METTL15: variants seen among roughly 807,000 people sequenced by gnomAD.
METTL15 encodes the protein 12S rRNA N(4)-cytidine methyltransferase METTL15.
In METTL15, 34 loss-of-function variants were observed where a neutral mutation model predicts 38.3. The ratio of observed to expected loss-of-function variants is 0.89; its 90% CI spans 0.68 to 1.18. The LOEUF is 1.18. METTL15 is among the 50% of genes most tolerant of loss of function. The pLI, the probability that METTL15 is intolerant of heterozygous loss-of-function variation, is 0.00. For missense variants in METTL15, 438 were observed against 498.4 expected (o/e 0.88, Z 1.15); for synonymous variants, 162 against 170.9 (o/e 0.95, Z 0.41).
At chr11:28,443,245 T>C (rs1215671835) in intron 6 of METTL15, among the ~76,000 whole-genome samples, 9 of 152,306 alleles carry the variant, frequency 5.9e-5, no homozygotes. Context: ...ATCATTCCCT[T>C]TGTGATTCCA....
chr11:28,356,763 ATTAT>A (rs1268525075), intron 4 of METTL15, among the ~76,000 whole-genome samples: 1 of 152,222 alleles, frequency 6.6e-6, no homozygotes, highest in Non-Finnish European at 1.5e-5. Flanking sequence ...ACAAGCTGAA[ATTAT>A]TTCACAGGTT....
intron 4 of METTL15, among the ~76,000 whole-genome samples, chr11:28,236,959 G>C (rs1006569224): frequency 8.5e-5 from 13 of 152,144 alleles, no homozygotes; most frequent in Non-Finnish European, 1.9e-4. Flanking sequence ...TAGAGTTTCT[G>C]CTGAGAGATC....
chr11:28,273,368 C>G (rs1855720990), intron 4 of METTL15, among the ~76,000 whole-genome samples: 2 of 152,014 alleles, frequency 1.3e-5, no homozygotes, highest in Non-Finnish European at 2.9e-5. Context: ...TCCTAAGGGA[C>G]TTACTGCAAG....
chr11:28,280,889 G>A (rs953374307), intron 4 of METTL15, among the ~76,000 whole-genome samples: 7 of 149,112 alleles, frequency 4.7e-5, no homozygotes, highest in Admixed American at 6.8e-5. Context: ...GCCATTTCTG[G>A]GATAAAGTTA....
chr11:28,490,395 GCT>G (rs1275044970), intron 6 of METTL15, among the ~76,000 whole-genome samples: 3 of 152,040 alleles, frequency 2.0e-5, no homozygotes, highest in Middle Eastern at 3.2e-3. Flanking sequence ...TCTTAATAAT[GCT>G]CTCAGACTGG....
intron 3 of METTL15, among the ~76,000 whole-genome samples, chr11:28,198,815 A>G (rs1278683372): frequency 6.6e-6 from 1 of 152,130 alleles, no homozygotes; most frequent in East Asian, 1.9e-4. Context: ...TCTAACAACT[A>G]TATCAAATGT....
chr11:28,495,781 G>GA (rs112186450), intron 6 of METTL15, among the ~76,000 whole-genome samples: 298 of 133,444 alleles, frequency 2.2e-3, no homozygotes, highest in East Asian at 5.8e-3. Context: ...TTTTTTGATA[G>GA]AAAAAAAAAA....
intron 4 of METTL15, among the ~76,000 whole-genome samples, chr11:28,358,267 GA>G: frequency 6.6e-6 from 1 of 152,112 alleles, no homozygotes; most frequent in East Asian, 1.9e-4. Context: ...CTGACACCTT[GA>G]TTTTACCCCT....
intron 6 of METTL15, among the ~76,000 whole-genome samples, chr11:28,457,616 C>G (rs1465312652): frequency 6.6e-6 from 1 of 152,114 alleles, no homozygotes; most frequent in East Asian, 1.9e-4. Flanking sequence ...CTCTGATTCC[C>G]CCACGTCTAG....
At chr11:28,383,718 G>A (rs1850411930) in intron 5 of METTL15, among the ~76,000 whole-genome samples, 1 of 152,050 alleles carries the variant, frequency 6.6e-6, no homozygotes, top group Non-Finnish European at 1.5e-5. Context: ...GTTTAGTGAT[G>A]TTGAGCATTT....
At chr11:28,130,250 G>T (rs1003244788) in intron 3 of METTL15, among the ~76,000 whole-genome samples, 5 of 152,124 alleles carry the variant, frequency 3.3e-5, no homozygotes, top group African/African-American at 1.2e-4. Flanking sequence ...GGTCAAGGCT[G>T]CAGTAAGCCG....
chr11:28,313,869 T>A (rs569549547), intron 6 of METTL15, among the ~76,000 whole-genome samples: 14 of 152,172 alleles, frequency 9.2e-5, no homozygotes, highest in Non-Finnish European at 1.9e-4. Context: ...GGATATTTTC[T>A]AAGCTAAAGT....
intron 3 of METTL15, among the ~76,000 whole-genome samples, chr11:28,209,190 G>A (rs1240200017): frequency 6.6e-6 from 1 of 151,866 alleles, no homozygotes; most frequent in East Asian, 1.9e-4. Flanking sequence ...GGACTTTCTT[G>A]TCTCAGAATA....
In METTL15 at chr11:28,149,231, G is replaced by T. The variant is rs184724113; in HGVS notation, c.270+35627G>T. On this transcript the variant is annotated intron_variant, in intron 3 of 6. Coordinates refer to ENST00000407364, the MANE Select transcript of METTL15 (RefSeq NM_001113528.2). ...GCCATTTCTACTTTGAGGAACCTAT[G>T]TAATAGGATTTTTCTGATAATTAGA... Among the ~76,000 whole-genome samples, 7 of 148,726 alleles carry T rather than the reference G, an allele frequency of 4.7e-5. No homozygotes were observed. In the East Asian group the frequency reaches 9.9e-4, roughly 21 times the overall value.
chr11:28,161,626 C>T (rs926945892), intron 3 of METTL15, among the ~76,000 whole-genome samples: 1 of 151,582 alleles, frequency 6.6e-6, no homozygotes, highest in African/African-American at 2.4e-5. Context: ...ATGAGTTGGG[C>T]CTTATTTTAA....
chr11:28,525,083 G>C lies in METTL15; in HGVS notation c.*425-1395G>C, dbSNP rs751185030. ...GTTCGTGGTCTCGCTGGCTTCAGGA[G>C]TGAAACTGCAGACCTTCGCTGTGAG... On this transcript the variant is annotated intron_variant and NMD_transcript_variant, in intron 6 of 7. Coordinates refer to the METTL15 transcript ENST00000532947. Among the ~76,000 whole-genome samples the C allele has an allele frequency of 2.6e-5, 4 of 152,196 alleles. No homozygotes were observed. In the South Asian group the frequency reaches 8.3e-4, roughly 32 times the overall value.
At chr11:28,249,296 C>T (rs988722990) in intron 4 of METTL15, among the ~76,000 whole-genome samples, 4 of 151,700 alleles carry the variant, frequency 2.6e-5, no homozygotes, top group African/African-American at 9.7e-5. Context: ...AAGTACTTAG[C>T]TAAGAATTTT....
intron 3 of METTL15, among the ~76,000 whole-genome samples, chr11:28,191,735 T>G (rs1048372620): frequency 6.6e-6 from 1 of 151,616 alleles, no homozygotes; most frequent in South Asian, 2.1e-4. Flanking sequence ...GATAAACTCC[T>G]GAAAGGCAAA....
At chr11:28,358,222 T>A (rs1048924746) in intron 4 of METTL15, among the ~76,000 whole-genome samples, 1 of 152,134 alleles carries the variant, frequency 6.6e-6, no homozygotes, top group East Asian at 1.9e-4. Context: ...CTAAGAGGAT[T>A]CTGGCCCTGG....
Sources: allele counts gnomAD v4.1 joint callset (sites outside exome capture counted in the v4.1 genomes callset), GRCh38; gene constraint gnomAD v4.1.1; transcripts MANE v1.5; gene names NCBI Gene and HGNC (gene_info 2026-07-23, HGNC 2026-07-21).